Variants in FOXJ3 observed in about 807,000 individuals in gnomAD.
The protein encoded by FOXJ3 is forkhead box protein J3.
Under a neutral mutation model 76.1 loss-of-function variants are expected in FOXJ3, and 22 were observed. That is an observed-to-expected ratio of 0.29 (90% CI 0.21 to 0.41). The LOEUF (loss-of-function observed/expected upper bound fraction) is 0.41, where lower values mean the gene tolerates loss of function less well. Ranked by LOEUF, FOXJ3 falls within the 10% of genes least tolerant of loss-of-function variation. FOXJ3 has a pLI of 1.00. For missense variants in FOXJ3, 613 were observed against 762.1 expected, an observed-to-expected ratio of 0.80 and a Z score of 2.30; for synonymous variants, 269 against 261.2, an observed-to-expected ratio of 1.03 and a Z score of -0.29.
At chr1:42,205,001 AG>A (rs2124315887) in intron 6 of FOXJ3, among the ~76,000 whole-genome samples, 1 of 152,254 alleles carries the variant, frequency 6.6e-6, no homozygotes, top group South Asian at 2.1e-4. Flanking sequence ...AGAGAAAAAA[AG>A]AGGGTGAAAG....
rs183667821 is a variant in FOXJ3, at chr1:42,190,942, A to G, written c.1351+361T>C. ...AATATAAACCCCAGTTCTACCACTTACCACAGTATGATCTTAAGCAAATTA... is the reference window on the plus strand; with the variant it reads ...AATATAAACCCCAGTTCTACCACTTGCCACAGTATGATCTTAAGCAAATTA... On this transcript the variant is annotated intron_variant, in intron 9 of 12. Coordinates refer to ENST00000361346, the MANE Select transcript of FOXJ3 (RefSeq NM_014947.5). 8.0e-3 allele frequency among the ~76,000 whole-genome samples: 1,216 copies of G among 152,296 alleles called. 7 individuals are homozygous for G. The highest frequency in any genetic ancestry group is 0.013 in the Non-Finnish European group (877 of 68,018).
intron 1 of FOXJ3, among the ~76,000 whole-genome samples, chr1:42,316,117 T>A (rs1227269620): frequency 6.6e-6 from 1 of 152,172 alleles, no homozygotes; most frequent in African/African-American, 2.4e-5. Flanking sequence ...TAACATATTA[T>A]CTGGGGGCAT....
intron 3 of FOXJ3, 140 bp downstream of exon 3, chr1:42,278,208 A>G (rs949964581): frequency 1.5e-6 from 1 of 665,438 alleles, no homozygotes; most frequent in Non-Finnish European, 2.5e-6. Flanking sequence ...ACCTAAGCTA[A>G]AAACTTTTTG....
chr1:42,313,337 CAAAAAAA>C (rs35058575), intron 1 of FOXJ3, among the ~76,000 whole-genome samples: 2 of 93,944 alleles, frequency 2.1e-5, no homozygotes, highest in African/African-American at 8.0e-5. Context: ...AATTCCGTCT[CAAAAAAA>C]AAAAAAAAGC....
intron 9 of FOXJ3, among the ~76,000 whole-genome samples, chr1:42,190,069 A>C (rs941814352): frequency 1.3e-5 from 2 of 152,238 alleles, no homozygotes; most frequent in Non-Finnish European, 2.9e-5. Context: ...GGGCATTTTT[A>C]GTCAGAAATG....
intron 1 of FOXJ3, among the ~76,000 whole-genome samples, chr1:42,311,493 G>T (rs183356547): frequency 6.6e-6 from 1 of 152,262 alleles, no homozygotes; most frequent in Admixed American, 6.5e-5. Flanking sequence ...GTGCCCAAAA[G>T]CTACCACAGA....
chr1:42,201,872 T>A (rs1646770777), intron 6 of FOXJ3, among the ~76,000 whole-genome samples: 1 of 152,168 alleles, frequency 6.6e-6, no homozygotes, highest in South Asian at 2.1e-4. Context: ...GAAATATTTT[T>A]TAATTATGGG....
chr1:42,228,210 A>C (rs1647737441), intron 4 of FOXJ3, among the ~76,000 whole-genome samples: 1 of 152,162 alleles, frequency 6.6e-6, no homozygotes, highest in East Asian at 1.9e-4. Context: ...TGCCACACCA[A>C]AATTTAGAAA....
At chr1:42,196,818 A>G (rs1390655069) in intron 7 of FOXJ3, among the ~76,000 whole-genome samples, 1 of 152,134 alleles carries the variant, frequency 6.6e-6, no homozygotes, top group Non-Finnish European at 1.5e-5. Flanking sequence ...TGCTTCTTTA[A>G]TTTGTCCTTT....
At chr1:42,227,021 A>G (rs1281961046) in intron 5 of FOXJ3, among the ~76,000 whole-genome samples, 2 of 152,278 alleles carry the variant, frequency 1.3e-5, no homozygotes, top group Non-Finnish European at 2.9e-5. Context: ...AAATGGTAAC[A>G]CTGGAGATAC....
chr1:42,291,079 T>TAGATAGATAGATAGACAGAC (rs1553167254), intron 2 of FOXJ3, among the ~76,000 whole-genome samples: 8 of 125,658 alleles, frequency 6.4e-5, no homozygotes, highest in African/African-American at 2.1e-4. Context: ...GATAGATAGA[T>TAGATAGATAGATAGACAGAC]AGATAGACAG....
chr1:42,191,832 C>T (rs1487051398), intron 8 of FOXJ3, 113 bp from the exon 9 acceptor site: 2 of 1,107,362 alleles, frequency 1.8e-6, no homozygotes, highest in South Asian at 3.0e-5. Context: ...AACACTGGTT[C>T]AATTTAATAA....
intron 2 of FOXJ3, among the ~76,000 whole-genome samples, chr1:42,282,185 T>A (rs974664033): frequency 6.6e-6 from 1 of 151,702 alleles, no homozygotes; most frequent in African/African-American, 2.4e-5. Context: ...CTGGGAGAAA[T>A]CTGGTTATGG....
Position 42,227,971 on chromosome 1 carries a change from A to G in FOXJ3, c.445-5T>C. On this transcript the variant is annotated splice_region_variant and splice_polypyrimidine_tract_variant and intron_variant, in intron 4 of 12. Coordinates refer to ENST00000361346, the MANE Select transcript of FOXJ3 (RefSeq NM_014947.5). Reference sequence around the variant, plus strand: ...GTCTATTGCCCAGTAGGACCCCTAGAGGTAAAGAAATTATATTAACAGTAT... The same window carrying G: ...GTCTATTGCCCAGTAGGACCCCTAGGGGTAAAGAAATTATATTAACAGTAT... 6.8e-7 allele frequency: 1 copy of G among 1,476,116 alleles called. No individual in the cohort carries two copies. The highest frequency in any genetic ancestry group is 9.3e-7 in the Non-Finnish European group (1 of 1,075,670). The allele number at this position is 1,476,116 out of a possible 1,614,324, so 91.4% of individuals were successfully genotyped here.
intron 5 of FOXJ3, among the ~76,000 whole-genome samples, chr1:42,216,262 T>C (rs1245598460): frequency 6.6e-6 from 1 of 151,922 alleles, no homozygotes; most frequent in Non-Finnish European, 1.5e-5. Flanking sequence ...CTCACGCCTG[T>C]AATCCCAGCA....
At chr1:42,304,435 G>A (rs1412355410) in intron 2 of FOXJ3, among the ~76,000 whole-genome samples, 3 of 151,922 alleles carry the variant, frequency 2.0e-5, no homozygotes, top group African/African-American at 7.3e-5. Flanking sequence ...CAAAGACTCA[G>A]AATACCCAAA....
chr1:42,216,450 G>A (rs1232031146), intron 5 of FOXJ3, among the ~76,000 whole-genome samples: 1 of 151,588 alleles, frequency 6.6e-6, no homozygotes, highest in Non-Finnish European at 1.5e-5. Flanking sequence ...CCCGGGAGGC[G>A]GAGCTTGCAG....
At chr1:42,294,048 G>A (rs890390288) in intron 2 of FOXJ3, among the ~76,000 whole-genome samples, 1 of 152,146 alleles carries the variant, frequency 6.6e-6, no homozygotes, top group Non-Finnish European at 1.5e-5. Context: ...ATATTTGTCA[G>A]ATTGAATAGA....
chr1:42,330,856 T>C (rs1272491927), intron 1 of FOXJ3, among the ~76,000 whole-genome samples: 1 of 152,210 alleles, frequency 6.6e-6, no homozygotes, highest in African/African-American at 2.4e-5. Flanking sequence ...ATTGCTCATC[T>C]TTAAGATATT....
Sources: gnomAD v4.1 joint callset for allele counts (sites outside exome capture counted in the v4.1 genomes callset) on GRCh38, gnomAD v4.1.1 for gene constraint, MANE v1.5 for transcripts, NCBI Gene and HGNC (gene_info 2026-07-23, HGNC 2026-07-21) for gene names.